COL4A2: variants seen among roughly 807,000 people sequenced by gnomAD.
COL4A2 encodes collagen alpha-2(IV) chain.
Under a neutral mutation model 200.2 loss-of-function variants are expected in COL4A2, and 99 were observed. That is an observed-to-expected ratio of 0.49 (90% CI 0.42 to 0.58). COL4A2 has a LOEUF of 0.58. Ranked by LOEUF, COL4A2 falls within the 20% of genes least tolerant of loss-of-function variation. The probability of loss-of-function intolerance (pLI) is 0.00; values close to 1 mark genes in which losing one functional copy is unlikely to be tolerated. For synonymous variants in COL4A2, 897 were observed against 900.6 expected, an observed-to-expected ratio of 1.00 and a Z score of 0.07; for missense variants, 1,950 against 2,314.1, an observed-to-expected ratio of 0.84 and a Z score of 3.23.
intron 4 of COL4A2, among the ~76,000 whole-genome samples, chr13:110,367,974 C>G (rs1877829151): frequency 6.6e-6 from 1 of 152,186 alleles, no homozygotes; most frequent in Non-Finnish European, 1.5e-5. Flanking sequence ...CCAGAAAATT[C>G]AAGCAAAACT....
In COL4A2 at chr13:110,498,188, A is replaced by C. The variant is rs530842862; in HGVS notation, c.3760+2721A>C. ...GTCTCTGGCTTTGTCTGTCAAATGA[A>C]AATAAAAATGCACTTGTGAGTATTG... is the stretch of plus-strand genomic sequence containing the variant. On this transcript the variant is annotated intron_variant, in intron 40 of 47. Transcript: ENST00000360467. 3.2e-4 allele frequency among the ~76,000 whole-genome samples: 48 copies of C among 152,378 alleles called. No individual in the cohort carries two copies. In the South Asian group the frequency reaches 9.3e-3, roughly 30 times the overall value.
In COL4A2 at chr13:110,428,551, C is replaced by G. The variant is rs548601003; in HGVS notation, c.445C>G (p.Pro149Ala). The G allele has an allele frequency of 6.3e-5, 99 of 1,572,342 alleles. 2 individuals carry two copies. In the South Asian group the frequency reaches 1.1e-3, roughly 17 times the overall value. ...GTQGDSGPQGPPGSEGFTGPP... is the reference protein window; with the variant it reads ...GTQGDSGPQGAPGSEGFTGPP... ...CCAGGGAGACTCAGGTCCACAGGGG[C>G]CCCCCGGCTCTGAGGGGTTCACCGG... Residue 149 changes from proline (P) to alanine (A), a missense_variant, in exon 7 of 48, where the codon CCC becomes GCC. By Grantham distance (27) the Pro-to-Ala change is conservative. Around this residue, in one of 2 missense-constraint regions of COL4A2, gnomAD observed 565 missense variants for 593.5 expected, o/e 0.95. Transcript: ENST00000360467.
At chr13:110,367,936 AAAAG>A (rs955273293) in intron 4 of COL4A2, among the ~76,000 whole-genome samples, 2 of 152,226 alleles carry the variant, frequency 1.3e-5, no homozygotes, top group Admixed American at 6.5e-5. Context: ...ATTGCAACCT[AAAAG>A]AAAGAGAGGA....
chr13:110,467,610 T>C (rs9588175), intron 27 of COL4A2, among the ~76,000 whole-genome samples: 57,849 of 152,152 alleles, frequency 0.38, 11,378 homozygotes, highest in Middle Eastern at 0.55. Flanking sequence ...AGAGTCTGGG[T>C]GCCCTTCACA....
intron 3 of COL4A2, among the ~76,000 whole-genome samples, chr13:110,345,885 A>AGG (rs1254895030): frequency 6.6e-6 from 1 of 152,218 alleles, no homozygotes. Context: ...ACCTGTGCAC[A>AGG]GGGGGACCAC....
intron 4 of COL4A2, among the ~76,000 whole-genome samples, chr13:110,406,059 C>T (rs980582918): frequency 6.6e-6 from 1 of 152,136 alleles, no homozygotes; most frequent in Admixed American, 6.5e-5. Flanking sequence ...TTGCAGCTTC[C>T]GAGAAAGTGC....
intron 28 of COL4A2, 123 bp downstream of exon 28, chr13:110,469,447 C>T (rs1485222934): frequency 9.7e-7 from 1 of 1,035,512 alleles, no homozygotes; most frequent in East Asian, 2.7e-5. Context: ...TACTTGACAA[C>T]TTTTGCATTT....
chr13:110,336,236 A>G (rs750485143), intron 3 of COL4A2, among the ~76,000 whole-genome samples: 2 of 152,134 alleles, frequency 1.3e-5, no homozygotes, highest in Non-Finnish European at 2.9e-5. Context: ...CTCTTTGATA[A>G]TTTGTCTGAT....
At chr13:110,484,396 C>A (rs117784271) in intron 32 of COL4A2, among the ~76,000 whole-genome samples, 1 of 152,110 alleles carries the variant, frequency 6.6e-6, no homozygotes. Context: ...GTTTCCCGCC[C>A]GGCCCGCAGC....
At chr13:110,355,221 C>A (rs10161671) in intron 3 of COL4A2, among the ~76,000 whole-genome samples, 27,761 of 151,684 alleles carry the variant, frequency 0.18, 2,743 homozygotes, top group South Asian at 0.39. Flanking sequence ...TCCAGGCAGG[C>A]TGGCAGAGGC....
chr13:110,510,616 C>CTGTG (rs35675138), intron 47 of COL4A2, among the ~76,000 whole-genome samples: 1 of 151,566 alleles, frequency 6.6e-6, no homozygotes, highest in African/African-American at 2.4e-5. Flanking sequence ...CAAGCATGCA[C>CTGTG]TGTGTGTGTG....
At chr13:110,505,141 G>C (rs1337593739) in intron 45 of COL4A2, among the ~76,000 whole-genome samples, 1 of 151,272 alleles carries the variant, frequency 6.6e-6, no homozygotes, top group Non-Finnish European at 1.5e-5. Context: ...ACAAGGGCAG[G>C]AGATCGAGAC....
Position 110,424,645 on chromosome 13 carries a change from A to AAAAG in COL4A2, c.181-86_181-85insGAAA, listed in dbSNP as rs1005533400. 1.2e-5 allele frequency: 11 copies of AAAAG among 898,446 alleles called. No homozygotes were observed. The African/African-American group carries it at 1.7e-4, about 14-fold the overall frequency. 55.7% of individuals were successfully genotyped at this position (898,446 alleles called of 1,614,324 possible). ...AGATTATAGCTCTTTAAAAACAAAA[A>AAAAG]AAAAAATGTAGTTTTGAAAGTAACC... is the stretch of plus-strand genomic sequence containing the variant. On this transcript the variant is annotated intron_variant, in intron 4 of 47. Transcript: ENST00000360467.
chr13:110,390,673 A>T (rs2139421708), intron 4 of COL4A2, among the ~76,000 whole-genome samples: 1 of 152,202 alleles, frequency 6.6e-6, no homozygotes, highest in East Asian at 1.9e-4. Context: ...ATGCCCTTTG[A>T]CTTCCTTGAT....
rs1194798779 is a variant in COL4A2 at position 110,501,752 on chromosome 13, A to G, written c.3845A>G (p.Asp1282Gly). 4 of 1,613,618 alleles carry G rather than the reference A, an allele frequency of 2.5e-6. No homozygotes were observed. The highest frequency in any genetic ancestry group is 3.4e-6 in the Non-Finnish European group (4 of 1,179,674). ...TCCAACATCTCTGGGGCACCTGGTGACAAAGGGGCGCCAGGGATATTTGGC... is the reference window on the plus strand; with the variant it reads ...TCCAACATCTCTGGGGCACCTGGTGGCAAAGGGGCGCCAGGGATATTTGGC... ...PPSNISGAPG[D>G]KGAPGIFGLK... Residue 1282 changes from aspartate to glycine, a missense_variant, in exon 41 of 48, where the codon GAC becomes GGC. Coordinates refer to ENST00000360467, the MANE Select transcript of COL4A2 (RefSeq NM_001846.4).
chr13:110,467,947 C>T (rs1162363139), intron 27 of COL4A2, among the ~76,000 whole-genome samples: 1 of 152,248 alleles, frequency 6.6e-6, no homozygotes, highest in African/African-American at 2.4e-5. Context: ...TCACAAGCAC[C>T]AGACACAGCC....
chr13:110,324,026 G>C (rs901347898), intron 3 of COL4A2, among the ~76,000 whole-genome samples: 7 of 152,136 alleles, frequency 4.6e-5, no homozygotes, highest in African/African-American at 1.7e-4. Flanking sequence ...GACAGACATT[G>C]GCTTATCTGC....
chr13:110,418,780 T>G (rs767614795), intron 4 of COL4A2, among the ~76,000 whole-genome samples: 46 of 152,352 alleles, frequency 3.0e-4, no homozygotes, highest in Admixed American at 8.5e-4. Flanking sequence ...TTGCATGGAA[T>G]AGGCTGCTGA....
chr13:110,394,791 A>G (rs1879128923), intron 4 of COL4A2, among the ~76,000 whole-genome samples: 1 of 152,178 alleles, frequency 6.6e-6, no homozygotes. Flanking sequence ...ATACATCAAA[A>G]CATACACCAG....
Sources: gnomAD v4.1 joint callset for allele counts (sites outside exome capture counted in the v4.1 genomes callset) on GRCh38, gnomAD v4.1.1 for gene constraint, gnomAD v4.1.1 regional missense constraint, MANE v1.5 for transcripts, NCBI Gene and HGNC (gene_info 2026-07-23, HGNC 2026-07-21) for gene names.